PRKACB: variants seen among roughly 807,000 people sequenced by gnomAD.
The protein encoded by PRKACB is cAMP-dependent protein kinase catalytic subunit beta.
In PRKACB, 16 loss-of-function variants were observed where a neutral mutation model predicts 51.4. The observed-to-expected ratio is 0.31, with a 90% CI of 0.21 to 0.47. The LOEUF (loss-of-function observed/expected upper bound fraction) is 0.47, where lower values mean the gene tolerates loss of function less well. Ranked by LOEUF, PRKACB falls within the 20% of genes least tolerant of loss-of-function variation. The pLI is 1.00. For missense variants in PRKACB, 309 were observed against 464.5 expected (o/e 0.67, Z 3.08); for synonymous variants, 147 against 154.4 (o/e 0.95, Z 0.35).
chr1:84,167,654 A>G (rs1178443335), intron 1 of PRKACB, among the ~76,000 whole-genome samples: 1 of 151,610 alleles, frequency 6.6e-6, no homozygotes, highest in African/African-American at 2.4e-5. Context: ...TCACCCCAGT[A>G]CCCCAAACAC....
intron 1 of PRKACB, chr1:84,175,812 G>A (rs1336952022): frequency 5.1e-6 from 8 of 1,564,544 alleles, no homozygotes; most frequent in Non-Finnish European, 6.9e-6. Context: ...CCTTTGGTAT[G>A]CTCATTTCCT....
chr1:84,195,110 A>G (rs900130131), intron 5 of PRKACB, among the ~76,000 whole-genome samples: 12 of 152,334 alleles, frequency 7.9e-5, no homozygotes, highest in African/African-American at 2.6e-4. Context: ...CTCCCAGGTC[A>G]GATGTTTCCC....
At chr1:84,148,649 A>G (rs1654440249) in intron 1 of PRKACB, among the ~76,000 whole-genome samples, 1 of 152,180 alleles carries the variant, frequency 6.6e-6, no homozygotes. Flanking sequence ...CCATTAACCA[A>G]AAGCAGTCAA....
chr1:84,194,680 C>G (rs149033249), intron 5 of PRKACB, among the ~76,000 whole-genome samples: 1 of 152,232 alleles, frequency 6.6e-6, no homozygotes, highest in East Asian at 1.9e-4. Context: ...AATCCCAGGA[C>G]TTTTGGAGGC....
chr1:84,177,344 A>G (rs958173781), intron 1 of PRKACB, among the ~76,000 whole-genome samples: 2 of 152,014 alleles, frequency 1.3e-5, no homozygotes, highest in African/African-American at 4.8e-5. Context: ...TGCTCCATGC[A>G]AAAAAAGAAA....
chr1:84,219,541 G>A (rs115275247), intron 9 of PRKACB, among the ~76,000 whole-genome samples: 1,859 of 151,888 alleles, frequency 0.012, 46 homozygotes, highest in African/African-American at 0.043. Context: ...CAATGTTCTA[G>A]AGCATTTCCC....
chr1:84,105,039 CAAAA>C (rs559384785), intron 1 of PRKACB, among the ~76,000 whole-genome samples: 2 of 151,744 alleles, frequency 1.3e-5, no homozygotes, highest in African/African-American at 4.8e-5. Context: ...AAAAACAAAA[CAAAA>C]AAAATCGTTT....
intron 8 of PRKACB, among the ~76,000 whole-genome samples, chr1:84,204,162 T>C (rs192066335): frequency 6.6e-6 from 1 of 151,998 alleles, no homozygotes; most frequent in African/African-American, 2.4e-5. Flanking sequence ...ATAGTACATA[T>C]GCACTCTACC....
intron 1 of PRKACB, among the ~76,000 whole-genome samples, chr1:84,147,147 C>T (rs1654213503): frequency 6.6e-6 from 1 of 151,898 alleles, no homozygotes; most frequent in African/African-American, 2.4e-5. Context: ...AGGTCAATAC[C>T]ATCAAATACT....
chr1:84,180,760 C>T (rs1663156311), intron 2 of PRKACB, among the ~76,000 whole-genome samples: 1 of 151,774 alleles, frequency 6.6e-6, no homozygotes, highest in African/African-American at 2.4e-5. Flanking sequence ...AAAGATTAAA[C>T]ATTGTGATTA....
intron 1 of PRKACB, among the ~76,000 whole-genome samples, chr1:84,085,334 T>C (rs564956182): frequency 1.3e-5 from 2 of 152,296 alleles, no homozygotes; most frequent in Admixed American, 6.5e-5. Flanking sequence ...AATCATAAAC[T>C]TGAGAGTAAG....
At chr1:84,158,187 G>A (rs374223195) in intron 1 of PRKACB, among the ~76,000 whole-genome samples, 7 of 151,820 alleles carry the variant, frequency 4.6e-5, no homozygotes, top group Admixed American at 6.6e-5. Context: ...ACAGGCATGC[G>A]CCATCACTCC....
chr1:84,138,017 A>G (rs1277362445), intron 1 of PRKACB, among the ~76,000 whole-genome samples: 1 of 152,186 alleles, frequency 6.6e-6, no homozygotes, highest in Non-Finnish European at 1.5e-5. Context: ...CTCTCAGAAA[A>G]GAGGGCCTAG....
intron 1 of PRKACB, among the ~76,000 whole-genome samples, chr1:84,149,811 A>G (rs1263795088): frequency 6.6e-6 from 1 of 152,146 alleles, no homozygotes; most frequent in Non-Finnish European, 1.5e-5. Flanking sequence ...TGAAGAAGTT[A>G]TGACCATTTT....
chr1:84,180,213 T>TATATATATATATATATC (rs1159141151), intron 2 of PRKACB, among the ~76,000 whole-genome samples: 1 of 123,154 alleles, frequency 8.1e-6, no homozygotes, highest in Non-Finnish European at 1.8e-5. Context: ...TATATATGTA[T>TATATATATATATATATC]GATGGAGTAC....
intron 1 of PRKACB, among the ~76,000 whole-genome samples, chr1:84,110,415 A>G (rs1650130468): frequency 1.3e-5 from 2 of 151,730 alleles, no homozygotes; most frequent in Non-Finnish European, 2.9e-5. Flanking sequence ...TTTTTCCCAT[A>G]ATGTTCAATT....
At chr1:84,096,237 T>C (rs1648918994) in intron 1 of PRKACB, among the ~76,000 whole-genome samples, 1 of 152,074 alleles carries the variant, frequency 6.6e-6, no homozygotes, top group Non-Finnish European at 1.5e-5. Flanking sequence ...CCCTACCTCA[T>C]GCTAGCCCTG....
At chr1:84,160,776 T>A (rs1336826029) in intron 1 of PRKACB, among the ~76,000 whole-genome samples, 1 of 151,508 alleles carries the variant, frequency 6.6e-6, no homozygotes, top group African/African-American at 2.4e-5. Context: ...TCTAAATATT[T>A]AGAGATTTCT....
chr1:84,171,498 T>G (rs1029547696), intron 1 of PRKACB, among the ~76,000 whole-genome samples: 4 of 151,642 alleles, frequency 2.6e-5, no homozygotes, highest in Non-Finnish European at 3.0e-5. Context: ...GAACAAAAAC[T>G]TCAATCTTGT....
Sources: gnomAD v4.1 joint callset for allele counts (sites outside exome capture counted in the v4.1 genomes callset) on GRCh38, gnomAD v4.1.1 for gene constraint, MANE v1.5 for transcripts, NCBI Gene and HGNC (gene_info 2026-07-23, HGNC 2026-07-21) for gene names.